OTUD7A: variants seen among roughly 807,000 people sequenced by gnomAD.
OTUD7A encodes the protein OTU deubiquitinase 7A, also known as OTU domain-containing protein 7A.
OTUD7A carries 12 observed loss-of-function variants against 65.7 expected under a neutral mutation model. That is an observed-to-expected ratio of 0.18 (90% CI 0.12 to 0.30). OTUD7A has a LOEUF of 0.30. OTUD7A is among the 10% of genes least tolerant of loss of function. The pLI, the probability that OTUD7A is intolerant of heterozygous loss-of-function variation, is 1.00. For missense variants in OTUD7A, 1,148 were observed against 1,304.8 expected, an observed-to-expected ratio of 0.88 and a Z score of 1.85; for synonymous variants, 641 against 586.3, an observed-to-expected ratio of 1.09 and a Z score of -1.35.
intron 3 of OTUD7A, among the ~76,000 whole-genome samples, chr15:31,627,367 T>C (rs1480454069): frequency 6.6e-6 from 1 of 151,696 alleles, no homozygotes; most frequent in Admixed American, 6.6e-5. Context: ...TGAGATAGTT[T>C]GCTGAGAATG....
intron 3 of OTUD7A, among the ~76,000 whole-genome samples, chr15:31,612,637 A>G (rs879797915): frequency 2.0e-5 from 3 of 152,220 alleles, no homozygotes; most frequent in Non-Finnish European, 2.9e-5. Flanking sequence ...GGTGAAATAA[A>G]TCATAGATGA....
At chr15:31,704,581 C>T (rs1480166919) in intron 1 of OTUD7A, among the ~76,000 whole-genome samples, 1 of 150,702 alleles carries the variant, frequency 6.6e-6, no homozygotes, top group Non-Finnish European at 1.5e-5. Flanking sequence ...TTTCCTCATC[C>T]ACTTCCTTGC....
At chr15:31,497,054 C>T (rs2041396373) in intron 10 of OTUD7A, among the ~76,000 whole-genome samples, 1 of 152,170 alleles carries the variant, frequency 6.6e-6, no homozygotes, top group Admixed American at 6.5e-5. Flanking sequence ...GCATCTCCCC[C>T]TCCATCTGTA....
intron 1 of OTUD7A, among the ~76,000 whole-genome samples, chr15:31,744,745 T>C (rs916468296): frequency 6.6e-6 from 1 of 152,118 alleles, no homozygotes. Flanking sequence ...ATGAAAAGTT[T>C]TGCTATTTGT....
At chr15:31,700,432 A>C (rs1433480442) in intron 1 of OTUD7A, among the ~76,000 whole-genome samples, 1 of 151,746 alleles carries the variant, frequency 6.6e-6, no homozygotes, top group Non-Finnish European at 1.5e-5. Flanking sequence ...TCCTTGCAAA[A>C]CTTACCTGTT....
chr15:31,623,371 T>C lies in OTUD7A; in HGVS notation c.151+31725A>G, dbSNP rs1292964465. On this transcript the variant is annotated intron_variant, in intron 3 of 12. Coordinates refer to ENST00000307050, the MANE Select transcript of OTUD7A (RefSeq NM_001382637.1). ...ATGCCCTGTCCCCAGAGGTGGAGTCTACAGAGGCAGGCAGGCCTCGTTGAG... is the reference window on the plus strand; with the variant it reads ...ATGCCCTGTCCCCAGAGGTGGAGTCCACAGAGGCAGGCAGGCCTCGTTGAG... Among the ~76,000 whole-genome samples the C allele has an allele frequency of 1.3e-5, 2 of 152,230 alleles. 1 individual carries two copies. The highest frequency in any genetic ancestry group is 3.9e-4 in the East Asian group (2 of 5,190).
At chr15:31,866,598 C>T (rs1567062585) in intron 1 of OTUD7A, among the ~76,000 whole-genome samples, 1 of 152,164 alleles carries the variant, frequency 6.6e-6, no homozygotes, top group Non-Finnish European at 1.5e-5. Flanking sequence ...GGAGACATGG[C>T]AGTCTACCAA....
chr15:31,510,610 ACATATG>A (rs2041679736), intron 8 of OTUD7A, among the ~76,000 whole-genome samples: 1 of 17,348 alleles, frequency 5.8e-5, no homozygotes, highest in Non-Finnish European at 1.4e-4. Flanking sequence ...TATGTAACAT[ACATATG>A]TATATCTATA....
intron 3 of OTUD7A, among the ~76,000 whole-genome samples, chr15:31,575,797 A>G (rs1281977137): frequency 6.6e-6 from 1 of 152,206 alleles, no homozygotes. Context: ...CAGGAACTAC[A>G]TCCTCCCATG....
intron 1 of OTUD7A, among the ~76,000 whole-genome samples, chr15:31,856,149 T>C (rs982910765): frequency 2.6e-5 from 4 of 152,226 alleles, no homozygotes; most frequent in African/African-American, 9.6e-5. Context: ...AAATATAATT[T>C]AACTGAGTAC....
chr15:31,866,358 T>C (rs1897875515), intron 1 of OTUD7A, among the ~76,000 whole-genome samples: 4 of 152,198 alleles, frequency 2.6e-5, no homozygotes, highest in Admixed American at 6.5e-5. Context: ...AGAAATGCTG[T>C]GTGCAAACCA....
chr15:31,778,829 A>C (rs1895461536), intron 1 of OTUD7A, among the ~76,000 whole-genome samples: 1 of 152,118 alleles, frequency 6.6e-6, no homozygotes, highest in South Asian at 2.1e-4. Context: ...CCCCGCTCCC[A>C]GCCCCATCAT....
intron 1 of OTUD7A, among the ~76,000 whole-genome samples, chr15:31,856,326 A>G (rs1041605383): frequency 3.9e-5 from 6 of 152,206 alleles, no homozygotes; most frequent in African/African-American, 1.4e-4. Context: ...AGGCATGGGG[A>G]TTGAGGGAAG....
chr15:31,534,953 G>A (rs1453986076), intron 5 of OTUD7A, among the ~76,000 whole-genome samples: 7 of 152,170 alleles, frequency 4.6e-5, no homozygotes, highest in Admixed American at 3.9e-4. Flanking sequence ...AAGTGGACCT[G>A]TGCAGTTCAA....
chr15:31,749,364 C>T (rs1484206780), intron 1 of OTUD7A, among the ~76,000 whole-genome samples: 1 of 152,146 alleles, frequency 6.6e-6, no homozygotes, highest in African/African-American at 2.4e-5. Flanking sequence ...TAGAAGTATA[C>T]ATTGGCACAT....
intron 1 of OTUD7A, among the ~76,000 whole-genome samples, chr15:31,777,511 A>C (rs576570747): frequency 2.0e-3 from 187 of 92,458 alleles, no homozygotes; most frequent in African/African-American, 7.1e-3. Flanking sequence ...GCTGGCACTC[A>C]GGATGGACAG....
At chr15:31,599,468 A>G (rs1367726930) in intron 3 of OTUD7A, among the ~76,000 whole-genome samples, 1 of 152,170 alleles carries the variant, frequency 6.6e-6, no homozygotes, top group African/African-American at 2.4e-5. Flanking sequence ...ACATTCACTC[A>G]GAGATCCCAT....
chr15:31,509,535 C>T (rs2041644373), intron 8 of OTUD7A, among the ~76,000 whole-genome samples: 2 of 152,086 alleles, frequency 1.3e-5, no homozygotes, highest in Non-Finnish European at 2.9e-5. Context: ...GCCTTGGCCT[C>T]CCAAAGTGCT....
At chr15:31,726,195 C>T (rs1404848779) in intron 1 of OTUD7A, among the ~76,000 whole-genome samples, 1 of 152,012 alleles carries the variant, frequency 6.6e-6, no homozygotes, top group Non-Finnish European at 1.5e-5. Context: ...AATATTTAAG[C>T]ACCAGTGTCT....
Sources: allele counts gnomAD v4.1 joint callset (sites outside exome capture counted in the v4.1 genomes callset), GRCh38; gene constraint gnomAD v4.1.1; transcripts MANE v1.5; gene names NCBI Gene and HGNC (gene_info 2026-07-23, HGNC 2026-07-21).